The following RBM10 variants were observed in gnomAD, a reference collection of about 807,000 sequenced individuals.
RBM10 encodes RNA-binding protein 10.
RBM10 carries 1 observed loss-of-function variant against 84.9 expected under a neutral mutation model. The ratio of observed to expected loss-of-function variants is 0.01; its 90% CI spans 0.00 to 0.06. RBM10 has a LOEUF of 0.06. RBM10 is among the 10% of genes least tolerant of loss of function. The pLI is 1.00. For synonymous variants in RBM10, 326 were observed against 344.5 expected, an observed-to-expected ratio of 0.95 and a Z score of 0.60; for missense variants, 438 against 839.0, an observed-to-expected ratio of 0.52 and a Z score of 5.90.
At chrX:47,160,959 A>T (rs1345955174) in intron 2 of RBM10, among the ~76,000 whole-genome samples, 7 of 108,831 alleles carry the variant, frequency 6.4e-5, no homozygotes, top group African/African-American at 2.0e-4. Context: ...TATTTAATTA[A>T]TTTTTTTTTT....
At chrX:47,160,722 T>A (rs1435970767) in intron 2 of RBM10, among the ~76,000 whole-genome samples, 1 of 111,952 alleles carries the variant, frequency 8.9e-6, no homozygotes, top group Non-Finnish European at 1.9e-5. Context: ...TTCTTTAATA[T>A]TTTTATGGTT....
intron 7 of RBM10, among the ~76,000 whole-genome samples, chrX:47,177,073 C>T (rs1446979074): frequency 8.9e-6 from 1 of 111,974 alleles, no homozygotes; most frequent in Non-Finnish European, 1.9e-5. Flanking sequence ...TGACACCTCT[C>T]CCAAAAGGTG....
chrX:47,185,272 T>C, intron 18 of RBM10, 30 bp from the exon 19 acceptor site: 2 of 1,209,882 alleles, frequency 1.7e-6, no homozygotes, highest in Non-Finnish European at 2.2e-6. Flanking sequence ...CTCTGTGGAG[T>C]CCCTGAATTT....
At chrX:47,149,890 G>A (rs781824240) in intron 2 of RBM10, among the ~76,000 whole-genome samples, 3 of 99,834 alleles carry the variant, frequency 3.0e-5, no homozygotes, top group East Asian at 3.1e-4. Context: ...GCGCGATCTC[G>A]GCTCACCACA....
intron 2 of RBM10, among the ~76,000 whole-genome samples, chrX:47,159,820 T>A (rs1933522545): frequency 9.0e-6 from 1 of 111,221 alleles, no homozygotes; most frequent in African/African-American, 3.3e-5. Flanking sequence ...ATACAAAAAT[T>A]AAGATGTAAG....
intron 17 of RBM10, 71 bp downstream of exon 17, chrX:47,182,397 T>G: frequency 2.7e-5 from 31 of 1,151,043 alleles, no homozygotes; most frequent in African/African-American, 7.1e-5. Flanking sequence ...CTGTCAGCTC[T>G]TGCCCTCTCC....
chrX:47,171,962 C>T (rs1462159097), intron 4 of RBM10, among the ~76,000 whole-genome samples: 2 of 112,044 alleles, frequency 1.8e-5, no homozygotes, highest in Non-Finnish European at 3.8e-5. Flanking sequence ...CATTTTGTAA[C>T]AGAGAAAATC....
intron 5 of RBM10, 52 bp from the exon 6 acceptor site, chrX:47,174,967 G>A (rs2147149836): frequency 2.7e-6 from 3 of 1,104,914 alleles, no homozygotes; most frequent in Non-Finnish European, 3.7e-6. Context: ...AACGCCGTGT[G>A]TCCAAAGCTG....
chrX:47,182,132 C>T (rs2147197430), intron 16 of RBM10, 30 bp from the exon 17 acceptor site: 1 of 1,211,752 alleles, frequency 8.3e-7, no homozygotes, highest in South Asian at 1.8e-5. Context: ...GGTCTTCCCT[C>T]ACATCCCCTC....
chrX:47,176,369 TCTCCGAC>T (rs1437638393), intron 6 of RBM10, 124 bp from the exon 7 acceptor site: 24 of 1,108,134 alleles, frequency 2.2e-5, no homozygotes, highest in Non-Finnish European at 2.7e-5. Flanking sequence ...CTCCATCCGC[TCTCCGAC>T]CTCCCTCCGT....
At chrX:47,150,714 G>A (rs1932757823) in intron 2 of RBM10, among the ~76,000 whole-genome samples, 1 of 111,845 alleles carries the variant, frequency 8.9e-6, no homozygotes, top group South Asian at 3.7e-4. Context: ...GCACATTCTT[G>A]TGCCAGCACC....
At chrX:47,169,598 G>A (rs1934490419) in intron 3 of RBM10, 100 bp downstream of exon 3, 9 of 901,321 alleles carry the variant, frequency 1.0e-5, no homozygotes, top group Non-Finnish European at 1.4e-5. Flanking sequence ...CTCCACTCCC[G>A]TGCCTTCAGA....
chrX:47,179,198 G>A (rs782650040), intron 8 of RBM10, 35 bp downstream of exon 8: 11 of 1,200,314 alleles, frequency 9.2e-6, no homozygotes, highest in South Asian at 5.4e-5. Flanking sequence ...TCTCCAGGGC[G>A]GAGCGGTTGG....
In RBM10 at chrX:47,165,429, C is replaced by T. The variant is rs782275284; in HGVS notation, c.18-3886C>T. On this transcript the variant is annotated intron_variant, in intron 2 of 23. Coordinates refer to ENST00000377604, the MANE Select transcript of RBM10 (RefSeq NM_005676.5). ...ACTCGGGAGGCTGAGGCAGGAGAATCGCTTGAACCCGGGAGGCAGAGGTTA... is the reference window on the plus strand; with the variant it reads ...ACTCGGGAGGCTGAGGCAGGAGAATTGCTTGAACCCGGGAGGCAGAGGTTA... Among the ~76,000 whole-genome samples the T allele has an allele frequency of 1.9e-3, 193 of 103,298 alleles. 2 individuals are homozygous for T. Among genetic ancestry groups the T allele is most frequent in the African/African-American group, 6.6e-3 (184 of 27,925 alleles). The allele number at this position is 103,298 out of a possible 115,157, so 89.7% of individuals were successfully genotyped here.
At position 47,173,063 on chromosome X, in the gene RBM10, C is replaced by G. The variant is rs1306650991; in HGVS notation, c.433-65C>G. 4 of 1,207,785 alleles carry G rather than the reference C, an allele frequency of 3.3e-6. No homozygotes were observed. In the African/African-American group the frequency reaches 7.0e-5, roughly 21 times the overall value. The stretch of plus-strand genomic sequence containing the variant: ...CCCCTCGGGATCCAGAGGCCTCCAG[C>G]CAGCCTCAGGTACCCAGCGGCCCCA... On this transcript the variant is annotated intron_variant, in intron 4 of 23. Transcript: ENST00000377604.
intron 7 of RBM10, among the ~76,000 whole-genome samples, chrX:47,177,190 G>A (rs1556776629): frequency 8.9e-6 from 1 of 112,407 alleles, no homozygotes; most frequent in African/African-American, 3.2e-5. Flanking sequence ...GAAAAGCACA[G>A]AGCGTTCTGA....
chrX:47,177,656 C>T (rs193288774), intron 7 of RBM10, among the ~76,000 whole-genome samples: 7 of 108,925 alleles, frequency 6.4e-5, no homozygotes, highest in African/African-American at 1.0e-4. Flanking sequence ...CTGGCTCTGT[C>T]GCCCAGGCTG....
At chrX:47,146,389 TTGTC>T (rs1243269417) in intron 1 of RBM10, among the ~76,000 whole-genome samples, 6 of 111,433 alleles carry the variant, frequency 5.4e-5, no homozygotes, top group Admixed American at 9.5e-5. Flanking sequence ...TGGAGTGTGT[TTGTC>T]TGTGTATGTG....
intron 6 of RBM10, 26 bp downstream of exon 6, chrX:47,175,118 C>T (rs1935031484): frequency 9.4e-7 from 1 of 1,064,833 alleles, no homozygotes; most frequent in Non-Finnish European, 1.3e-6. Context: ...TTGAACCCCC[C>T]CCCAAACAAA....
Sources: gnomAD v4.1 joint callset for allele counts (sites outside exome capture counted in the v4.1 genomes callset) on GRCh38, gnomAD v4.1.1 for gene constraint, MANE v1.5 for transcripts, NCBI Gene and HGNC (gene_info 2026-07-23, HGNC 2026-07-21) for gene names.